WARS2: variants seen among roughly 807,000 people sequenced by gnomAD.
WARS2 encodes the protein tryptophan--tRNA ligase, mitochondrial.
Under a neutral mutation model 36.5 loss-of-function variants are expected in WARS2, and 28 were observed. The ratio of observed to expected loss-of-function variants is 0.77; its 90% CI spans 0.57 to 1.05. WARS2 has a LOEUF of 1.05. Among genes scored for constraint, WARS2 ranks in the 50% least tolerant of loss-of-function variants. WARS2 has a pLI of 0.00. For synonymous variants in WARS2, 174 were observed against 178.4 expected (o/e 0.98, Z 0.20); for missense variants, 435 against 456.8 (o/e 0.95, Z 0.44).
chr1:119,033,534 C>T (rs1647625668), intron 5 of WARS2, 175 bp from the exon 6 acceptor site: 1 of 745,158 alleles, frequency 1.3e-6, no homozygotes, highest in Admixed American at 2.7e-5. Context: ...AATACCCACA[C>T]AACCATTCTG....
chr1:119,054,317 G>A (rs1057259784), intron 2 of WARS2, among the ~76,000 whole-genome samples: 2 of 151,828 alleles, frequency 1.3e-5, no homozygotes, highest in African/African-American at 2.4e-5. Context: ...CTAATAATTA[G>A]GGAAATGCAA....
intron 1 of WARS2, chr1:119,127,270 G>C: frequency 1.4e-6 from 1 of 740,050 alleles, no homozygotes; most frequent in Non-Finnish European, 2.4e-6. Flanking sequence ...TTCATAAGGC[G>C]CTTGTTCTTG....
At chr1:119,087,331 A>G (rs1652747524) in intron 1 of WARS2, among the ~76,000 whole-genome samples, 1 of 152,136 alleles carries the variant, frequency 6.6e-6, no homozygotes, top group Admixed American at 6.5e-5. Flanking sequence ...TTTCTCCCAT[A>G]CTTTAGTTCC....
At chr1:119,097,411 C>T (rs1176364802) in intron 1 of WARS2, among the ~76,000 whole-genome samples, 1 of 152,146 alleles carries the variant, frequency 6.6e-6, no homozygotes, top group Non-Finnish European at 1.5e-5. Flanking sequence ...TTTCTTCTAC[C>T]ATTCCCCTCC....
At chr1:119,103,512 C>G (rs1000582922) in intron 1 of WARS2, among the ~76,000 whole-genome samples, 2 of 152,004 alleles carry the variant, frequency 1.3e-5, no homozygotes, top group African/African-American at 4.8e-5. Context: ...CCCAATATCT[C>G]CTTTAGAAGC....
At position 119,042,393 on chromosome 1, in the gene WARS2, G is replaced by C. The variant is rs774209060; in HGVS notation, c.430-44C>G. 8 of 1,575,210 alleles carry C rather than the reference G, an allele frequency of 5.1e-6. 1 individual carries two copies. In the South Asian group the frequency reaches 7.8e-5, roughly 15 times the overall value. ...GAGGAGGGGAAGAAATCTGAAATCT[G>C]ACTTGAACCTAATTATACTGCTAGA... On this transcript the variant is annotated intron_variant, in intron 3 of 5. Coordinates refer to ENST00000235521, the MANE Select transcript of WARS2 (RefSeq NM_015836.4).
At chr1:119,130,424 GTGAAAAATACAA>G (rs1355586265) in intron 1 of WARS2, among the ~76,000 whole-genome samples, 2 of 152,172 alleles carry the variant, frequency 1.3e-5, no homozygotes, top group Non-Finnish European at 2.9e-5. Context: ...AGTGGTACCT[GTGAAAAATACAA>G]TTAGGGCCAG....
intron 2 of WARS2, among the ~76,000 whole-genome samples, chr1:119,053,461 C>T (rs1024283135): frequency 1.3e-5 from 2 of 152,022 alleles, no homozygotes; most frequent in African/African-American, 2.4e-5. Flanking sequence ...AATTAGCTAC[C>T]ATGACAAAAA....
chr1:119,063,108 G>C (rs1369513234), intron 2 of WARS2: 1 of 152,784 alleles, frequency 6.5e-6, no homozygotes, highest in Non-Finnish European at 1.5e-5. Context: ...TGTACAGACT[G>C]AGGTGGTCTC....
intron 2 of WARS2, chr1:119,063,373 C>CG (rs1557953115): frequency 3.3e-5 from 5 of 152,156 alleles, no homozygotes; most frequent in African/African-American, 1.2e-4. Context: ...CCTGACTATG[C>CG]AAAACCAATT....
chr1:119,080,609 T>G (rs1557966753), intron 1 of WARS2, among the ~76,000 whole-genome samples: 1 of 152,194 alleles, frequency 6.6e-6, no homozygotes, highest in African/African-American at 2.4e-5. Flanking sequence ...CTTAAAAATA[T>G]ACAGAGAGCA....
intron 1 of WARS2, chr1:119,082,450 G>A: frequency 2.0e-6 from 2 of 985,340 alleles, no homozygotes; most frequent in Non-Finnish European, 2.4e-6. Context: ...ATCTCATGTA[G>A]TGAAGGTAGG....
At chr1:119,079,557 AG>A (rs1311609306) in intron 1 of WARS2, among the ~76,000 whole-genome samples, 1 of 152,172 alleles carries the variant, frequency 6.6e-6, no homozygotes, top group Admixed American at 6.5e-5. Context: ...CCTCCAATCC[AG>A]GAAGCCACAA....
At chr1:119,119,841 T>A (rs1655221511) in intron 1 of WARS2, among the ~76,000 whole-genome samples, 2 of 151,978 alleles carry the variant, frequency 1.3e-5, no homozygotes, top group Non-Finnish European at 2.9e-5. Flanking sequence ...AAGATGGAAA[T>A]TAAAAAATTA....
chr1:119,033,949 G>A, intron 5 of WARS2, 146 bp downstream of exon 5: 1 of 587,442 alleles, frequency 1.7e-6, no homozygotes, highest in Non-Finnish European at 2.9e-6. Flanking sequence ...CTACACTAGA[G>A]AAAACAATGA....
chr1:119,083,400 C>T (rs779642159), intron 1 of WARS2, among the ~76,000 whole-genome samples: 11 of 152,166 alleles, frequency 7.2e-5, no homozygotes, highest in South Asian at 2.1e-4. Flanking sequence ...GCTGGTGCCT[C>T]GCTCTTGAAC....
chr1:119,032,128 C>T lies in WARS2; in HGVS notation c.*783G>A, dbSNP rs1647475838. On this transcript the variant is annotated 3_prime_UTR_variant, in exon 6 of 6. Transcript: ENST00000235521. ...ATATCGTACAAGCTAATTGGATTCT[C>T]TCAGCCTCACTTTCCTCATGTGTAA... 6.6e-6 allele frequency: 1 copy of T among 152,070 alleles called. No individual in the cohort carries two copies. The highest frequency in any genetic ancestry group is 1.5e-5 in the Non-Finnish European group (1 of 67,956). 9.4% of individuals were successfully genotyped at this position (152,070 alleles called of 1,614,324 possible).
At chr1:119,039,463 A>G (rs1648169175) in intron 4 of WARS2, among the ~76,000 whole-genome samples, 1 of 152,196 alleles carries the variant, frequency 6.6e-6, no homozygotes, top group Admixed American at 6.5e-5. Flanking sequence ...ACATATACAC[A>G]GAGAGAGAAA....
intron 1 of WARS2, among the ~76,000 whole-genome samples, chr1:119,125,811 A>G (rs937032112): frequency 2.0e-5 from 3 of 152,214 alleles, no homozygotes; most frequent in Non-Finnish European, 4.4e-5. Flanking sequence ...TCTCCAAGAG[A>G]GTTCAATTAT....
Sources: allele counts gnomAD v4.1 joint callset (sites outside exome capture counted in the v4.1 genomes callset), GRCh38; gene constraint gnomAD v4.1.1; transcripts MANE v1.5; gene names NCBI Gene and HGNC (gene_info 2026-07-23, HGNC 2026-07-21).